Variants in EPB41L1 observed in about 807,000 individuals in gnomAD.
The protein encoded by EPB41L1 is erythrocyte membrane protein band 4.1 like 1, also known as band 4.1-like protein 1.
In EPB41L1, 29 loss-of-function variants were observed where a neutral mutation model predicts 97.8. That is an observed-to-expected ratio of 0.30 (90% CI 0.22 to 0.40). The LOEUF is 0.40. Ranked by LOEUF, EPB41L1 falls within the 10% of genes least tolerant of loss-of-function variation. EPB41L1 has a pLI of 1.00. For missense variants in EPB41L1, 812 were observed against 1,162.3 expected (o/e 0.70, Z 4.38); for synonymous variants, 383 against 459.2 (o/e 0.83, Z 2.12).
chr20:36,213,589 T>C (rs1051037499), intron 16 of EPB41L1, among the ~76,000 whole-genome samples: 43 of 152,328 alleles, frequency 2.8e-4, no homozygotes, highest in African/African-American at 9.9e-4. Flanking sequence ...TGACCTGTTT[T>C]GTTTTAGTAA....
intron 2 of EPB41L1, among the ~76,000 whole-genome samples, chr20:36,129,883 G>A (rs559566885): frequency 1.3e-5 from 2 of 151,544 alleles, no homozygotes; most frequent in South Asian, 4.2e-4. Flanking sequence ...TCCTACTTCA[G>A]CCTCCAGAGT....
At chr20:36,176,083 A>G (rs1329407945) in intron 3 of EPB41L1, among the ~76,000 whole-genome samples, 1 of 152,162 alleles carries the variant, frequency 6.6e-6, no homozygotes, top group Non-Finnish European at 1.5e-5. Flanking sequence ...TCATTTTTAT[A>G]TACTGGGTGG....
chr20:36,178,595 G>C (rs373764456), intron 4 of EPB41L1, 35 bp from the exon 5 acceptor site: 1 of 1,609,928 alleles, frequency 6.2e-7, no homozygotes, highest in Non-Finnish European at 8.5e-7. Context: ...CCTTTCCTGC[G>C]TCTTCCCTCT....
At chr20:36,136,021 T>G (rs1198730770) in intron 2 of EPB41L1, among the ~76,000 whole-genome samples, 1 of 152,198 alleles carries the variant, frequency 6.6e-6, no homozygotes, top group African/African-American at 2.4e-5. Context: ...ATCATTAACC[T>G]TCCTATTACT....
chr20:36,129,535 G>A (rs1056377603), intron 2 of EPB41L1, among the ~76,000 whole-genome samples: 5 of 152,076 alleles, frequency 3.3e-5, no homozygotes, highest in East Asian at 3.9e-4. Context: ...GGTCACTAGC[G>A]GGTCCCAGGC....
chr20:36,093,173 G>C lies in EPB41L1; in HGVS notation c.-65+1561G>C, dbSNP rs1048915903. On this transcript the variant is annotated intron_variant, in intron 1 of 19. Coordinates refer to the EPB41L1 transcript ENST00000202028. The surrounding 1 kb of genome is among the most constrained non-coding windows in gnomAD (Gnocchi z 5.4). ...GCGTGTCTTCGCGAGTGGTGCGTGC[G>C]TATCTGGGTGAGGGTGCGTGTGTCT... is the stretch of plus-strand genomic sequence containing the variant. Among the ~76,000 whole-genome samples, 2 of 151,604 alleles carry C rather than the reference G, an allele frequency of 1.3e-5. No homozygotes were observed. The highest frequency in any genetic ancestry group is 4.9e-5 in the African/African-American group (2 of 41,230).
At chr20:36,188,146 G>GA (rs2146278524) in intron 8 of EPB41L1, among the ~76,000 whole-genome samples, 1 of 152,234 alleles carries the variant, frequency 6.6e-6, no homozygotes, top group Non-Finnish European at 1.5e-5. Flanking sequence ...GTGAGTGGGT[G>GA]AAAAAAATAC....
At chr20:36,205,962 C>T (rs1449488916) in intron 14 of EPB41L1, 1 of 1,289,776 alleles carries the variant, frequency 7.8e-7, no homozygotes, top group East Asian at 5.5e-5. Context: ...TTGCTGGTAT[C>T]CTTGCCAACG....
At chr20:36,205,749 T>G in intron 14 of EPB41L1, 2 of 1,150,222 alleles carry the variant, frequency 1.7e-6, no homozygotes, top group Non-Finnish European at 2.2e-6. Context: ...GTCAAACATT[T>G]CAGTGGTAGA....
rs894086552 is a variant in EPB41L1, at chr20:36,125,532, G to A, written c.-10+13052G>A. The A allele has an allele frequency of 6.5e-7, 1 of 1,534,448 alleles. No homozygotes were observed. The highest frequency in any genetic ancestry group is 8.7e-7 in the Non-Finnish European group (1 of 1,145,758). On this transcript the variant is annotated intron_variant, in intron 2 of 19. Transcript: ENST00000202028. ...CCTACTGAGCGCTCAGTAAAGGTGA[G>A]CTATTATCTTCCATTCAACAGTGGG...
At chr20:36,201,075 A>G in intron 14 of EPB41L1, 1 of 417,370 alleles carries the variant, frequency 2.4e-6, no homozygotes, top group Non-Finnish European at 4.9e-6. Context: ...AGGGGAATGT[A>G]CCAGATTCTG....
rs2057683289 is a variant in EPB41L1, at chr20:36,092,340, C to A, written c.-65+728C>A. On this transcript the variant is annotated intron_variant, in intron 1 of 19. Coordinates refer to the EPB41L1 transcript ENST00000202028. The surrounding 1 kb of genome is among the most constrained non-coding windows in gnomAD (Gnocchi z 7.0). ...CCGGGTGGGGTCTGCTCCTCTTCTT[C>A]GCCCGGCCTCTGAGCCCGCCGCAGC... Among the ~76,000 whole-genome samples the A allele has an allele frequency of 6.6e-6, 1 of 152,160 alleles. No homozygotes were observed. The highest frequency in any genetic ancestry group is 2.1e-4 in the South Asian group (1 of 4,836).
Position 36,195,391 on chromosome 20 carries a change from A to G in EPB41L1, c.1485+27A>G. On this transcript the variant is annotated intron_variant, in intron 13 of 21. Transcript: ENST00000338074. This position sits in a 1 kb window ranked among gnomAD's most constrained non-coding sequence, Gnocchi z 4.6. ...TACTGCATGGGACCTGTCCCTCCCTACCCAGCCGTTCCCATCCCTAGCTCA... is the reference window on the plus strand; with the variant it reads ...TACTGCATGGGACCTGTCCCTCCCTGCCCAGCCGTTCCCATCCCTAGCTCA... The G allele has an allele frequency of 1.2e-6, 2 of 1,604,100 alleles. No homozygotes were observed. Among genetic ancestry groups the G allele is most frequent in the East Asian group, 4.6e-5 (2 of 43,734 alleles).
chr20:36,106,368 C>T (rs761330564), intron 1 of EPB41L1, among the ~76,000 whole-genome samples: 4 of 152,206 alleles, frequency 2.6e-5, no homozygotes, highest in Non-Finnish European at 5.9e-5. Context: ...GGCTGAGCCT[C>T]GGGGTAGGCC....
chr20:36,220,503 T>C (rs930451465), intron 19 of EPB41L1, among the ~76,000 whole-genome samples: 1 of 152,130 alleles, frequency 6.6e-6, no homozygotes, highest in Non-Finnish European at 1.5e-5. Context: ...CACATTTGAC[T>C]CTGGAGGATC....
At chr20:36,227,915 A>G (rs1213010790) in intron 21 of EPB41L1, among the ~76,000 whole-genome samples, 1 of 152,086 alleles carries the variant, frequency 6.6e-6, no homozygotes, top group Non-Finnish European at 1.5e-5. Flanking sequence ...CTGTCTCCCA[A>G]ACACCACCAG....
At chr20:36,201,104 TG>T in intron 14 of EPB41L1, 1 of 390,346 alleles carries the variant, frequency 2.6e-6, no homozygotes, top group Non-Finnish European at 5.2e-6. Context: ...TTGGAAGCAA[TG>T]GGTAACCCAT....
chr20:36,150,018 A>G (rs2059984783), upstream of EPB41L1: 1 of 152,078 alleles, frequency 6.6e-6, no homozygotes, highest in African/African-American at 2.4e-5. Context: ...AACAGATGTA[A>G]TTATTCAAAT....
intron 5 of EPB41L1, among the ~76,000 whole-genome samples, 162 bp from the exon 6 acceptor site, chr20:36,182,110 T>G (rs1036295285): frequency 6.6e-6 from 1 of 152,246 alleles, no homozygotes; most frequent in Admixed American, 6.5e-5. Context: ...TGGGCCTCAG[T>G]TTGCTAATCT....
Sources: gnomAD v4.1 joint callset for allele counts (sites outside exome capture counted in the v4.1 genomes callset) on GRCh38, gnomAD v4.1.1 for gene constraint, Gnocchi (gnomAD v3.1) non-coding constraint, MANE v1.5 for transcripts, NCBI Gene and HGNC (gene_info 2026-07-23, HGNC 2026-07-21) for gene names.